The following CCDC178 variants were observed in gnomAD, a reference collection of about 807,000 sequenced individuals.
CCDC178 encodes coiled-coil domain-containing protein 178.
In CCDC178, 126 loss-of-function variants were observed where a neutral mutation model predicts 117.4. The observed-to-expected ratio is 1.07, with a 90% CI of 0.93 to 1.24. The LOEUF (loss-of-function observed/expected upper bound fraction) is 1.24, where lower values mean the gene tolerates loss of function less well. Ranked by LOEUF, CCDC178 falls within the 50% of genes most tolerant of loss-of-function variation. The probability of loss-of-function intolerance (pLI) is 0.00; values close to 1 mark genes in which losing one functional copy is unlikely to be tolerated. For synonymous variants in CCDC178, 283 were observed against 313.4 expected (o/e 0.90, Z 1.02); for missense variants, 1,030 against 986.9 (o/e 1.04, Z -0.59).
intron 22 of CCDC178, among the ~76,000 whole-genome samples, chr18:32,953,823 A>G (rs2054538674): frequency 6.6e-6 from 1 of 152,154 alleles, no homozygotes; most frequent in African/African-American, 2.4e-5. Context: ...TTGTTATTAT[A>G]TATTTACTTG....
At chr18:33,119,827 C>T (rs553220978) in intron 20 of CCDC178, among the ~76,000 whole-genome samples, 1 of 152,232 alleles carries the variant, frequency 6.6e-6, no homozygotes, top group African/African-American at 2.4e-5. Flanking sequence ...AAATGTGGCA[C>T]ATATACACCA....
intron 6 of CCDC178, among the ~76,000 whole-genome samples, chr18:33,368,432 TGCTTCTCC>T (rs1347098205): frequency 1.3e-5 from 2 of 151,998 alleles, no homozygotes; most frequent in Non-Finnish European, 2.9e-5. Context: ...TCAGCTCTGG[TGCTTCTCC>T]TTTTTTGAGG....
intron 15 of CCDC178, among the ~76,000 whole-genome samples, 183 bp downstream of exon 15, chr18:33,245,062 A>T (rs896124575): frequency 6.6e-6 from 1 of 151,948 alleles, no homozygotes; most frequent in African/African-American, 2.4e-5. Context: ...TTGAGCCCTC[A>T]TCCTCTTCTA....
intron 21 of CCDC178, among the ~76,000 whole-genome samples, chr18:33,045,032 T>G (rs1385021006): frequency 2.0e-5 from 3 of 152,118 alleles, no homozygotes; most frequent in Non-Finnish European, 4.4e-5. Context: ...GGGATGAAAG[T>G]TGAAAATTTA....
chr18:33,101,872 T>A (rs961015226), intron 20 of CCDC178, among the ~76,000 whole-genome samples: 7 of 151,988 alleles, frequency 4.6e-5, no homozygotes, highest in African/African-American at 1.7e-4. Context: ...TGTAGTCAGA[T>A]AACCTGATGC....
At chr18:33,269,915 A>G (rs1026506196) in intron 12 of CCDC178, among the ~76,000 whole-genome samples, 2 of 151,868 alleles carry the variant, frequency 1.3e-5, no homozygotes, top group Non-Finnish European at 2.9e-5. Flanking sequence ...TCAGGGGAAA[A>G]TTAGACATTT....
chr18:33,300,850 A>C, intron 11 of CCDC178, among the ~76,000 whole-genome samples: 1 of 152,344 alleles, frequency 6.6e-6, no homozygotes, highest in East Asian at 1.9e-4. Context: ...AGAGAGTAAA[A>C]GTCTGGAAAG....
intron 11 of CCDC178, among the ~76,000 whole-genome samples, chr18:33,307,682 G>A (rs1418749512): frequency 2.0e-5 from 3 of 152,168 alleles, no homozygotes; most frequent in Admixed American, 1.3e-4. Context: ...GCCTAGGAGG[G>A]AAAAACGGTC....
At chr18:33,260,738 CA>C (rs1199436073) in intron 14 of CCDC178, among the ~76,000 whole-genome samples, 3 of 151,440 alleles carry the variant, frequency 2.0e-5, no homozygotes, top group Admixed American at 1.3e-4. Context: ...AACTATGTTC[CA>C]AAAAAATAGA....
chr18:33,273,791 T>C (rs2059914595), intron 12 of CCDC178, among the ~76,000 whole-genome samples: 1 of 151,684 alleles, frequency 6.6e-6, no homozygotes, highest in African/African-American at 2.4e-5. Context: ...ATATAAGTCT[T>C]TGAGACTTTG....
At chr18:33,009,837 T>C (rs1197337160) in intron 21 of CCDC178, among the ~76,000 whole-genome samples, 1 of 152,148 alleles carries the variant, frequency 6.6e-6, no homozygotes. Flanking sequence ...CATTTATGTT[T>C]TGAATGCTTA....
At chr18:33,358,907 G>T (rs1188570893) in intron 6 of CCDC178, among the ~76,000 whole-genome samples, 1 of 151,798 alleles carries the variant, frequency 6.6e-6, no homozygotes, top group Non-Finnish European at 1.5e-5. Context: ...AAAGAAAGTG[G>T]CAAAAGATAA....
At chr18:33,019,987 C>T (rs2056078611) in intron 21 of CCDC178, among the ~76,000 whole-genome samples, 2 of 149,684 alleles carry the variant, frequency 1.3e-5, no homozygotes, top group South Asian at 4.2e-4. Flanking sequence ...ACTCTCTCGC[C>T]CAGGCTTGAG....
intron 3 of CCDC178, among the ~76,000 whole-genome samples, chr18:33,409,839 G>A (rs1010125839): frequency 6.6e-6 from 1 of 152,130 alleles, no homozygotes; most frequent in African/African-American, 2.4e-5. Context: ...GGCTTTTAAT[G>A]TCACTTAAAT....
chr18:33,106,150 G>A (rs1345799654), intron 20 of CCDC178, among the ~76,000 whole-genome samples: 4 of 151,516 alleles, frequency 2.6e-5, no homozygotes, highest in Non-Finnish European at 5.9e-5. Flanking sequence ...CTCTTCGGAT[G>A]GGAGAAGCAA....
chr18:33,085,870 T>C (rs978695629), intron 21 of CCDC178, among the ~76,000 whole-genome samples: 1 of 152,008 alleles, frequency 6.6e-6, no homozygotes, highest in Non-Finnish European at 1.5e-5. Context: ...ATATACATTT[T>C]CCATATTAAT....
At chr18:33,392,588 C>T (rs796861984) in intron 4 of CCDC178, among the ~76,000 whole-genome samples, 14 of 151,716 alleles carry the variant, frequency 9.2e-5, no homozygotes, top group East Asian at 1.9e-4. Context: ...GATACTGACA[C>T]GAAAGAATCA....
chr18:32,991,939 A>G (rs1025364055), intron 21 of CCDC178, among the ~76,000 whole-genome samples: 4 of 152,226 alleles, frequency 2.6e-5, no homozygotes, highest in Non-Finnish European at 4.4e-5. Flanking sequence ...GAAATTTTAG[A>G]TAGTGTGTTG....
intron 5 of CCDC178, among the ~76,000 whole-genome samples, chr18:33,374,592 T>C (rs756005887): frequency 1.3e-5 from 2 of 152,206 alleles, no homozygotes; most frequent in African/African-American, 4.8e-5. Context: ...CTTATAAAAG[T>C]TAAACTTACC....
Sources: gnomAD v4.1 joint callset for allele counts (sites outside exome capture counted in the v4.1 genomes callset) on GRCh38, gnomAD v4.1.1 for gene constraint, MANE v1.5 for transcripts, NCBI Gene and HGNC (gene_info 2026-07-23, HGNC 2026-07-21) for gene names.